ENKUR: variants seen among roughly 807,000 people sequenced by gnomAD.
ENKUR encodes the protein enkurin.
A neutral mutation model predicts 27.6 loss-of-function variants in ENKUR; 19 were observed. The ratio of observed to expected loss-of-function variants is 0.69; its 90% CI spans 0.48 to 1.01. The LOEUF (loss-of-function observed/expected upper bound fraction) is 1.01, where lower values mean the gene tolerates loss of function less well. Ranked by LOEUF, ENKUR falls within the 50% of genes least tolerant of loss-of-function variation. The pLI, the probability that ENKUR is intolerant of heterozygous loss-of-function variation, is 0.00. For synonymous variants in ENKUR, 117 were observed against 96.9 expected (o/e 1.21, Z -1.22); for missense variants, 312 against 310.5 (o/e 1.00, Z -0.04).
At chr10:25,044,077 A>G (rs929162379) in intron 2 of ENKUR, among the ~76,000 whole-genome samples, 3 of 151,968 alleles carry the variant, frequency 2.0e-5, no homozygotes, top group African/African-American at 4.8e-5. Flanking sequence ...GTTTCTATTG[A>G]TTGATTATTC....
chr10:24,994,396 C>T (rs1326788246), intron 3 of ENKUR, among the ~76,000 whole-genome samples: 5 of 150,540 alleles, frequency 3.3e-5, no homozygotes, highest in South Asian at 4.2e-4. Flanking sequence ...TGCAGTGACG[C>T]GACCTTGGCT....
intron 2 of ENKUR, among the ~76,000 whole-genome samples, chr10:25,046,788 A>G (rs1388633049): frequency 6.6e-6 from 1 of 152,136 alleles, no homozygotes; most frequent in African/African-American, 2.4e-5. Context: ...ACTTTTTTTC[A>G]CCAACCTCTG....
At chr10:24,997,184 C>T (rs763503597) in intron 2 of ENKUR, among the ~76,000 whole-genome samples, 1 of 151,846 alleles carries the variant, frequency 6.6e-6, no homozygotes, top group South Asian at 2.1e-4. Context: ...TGTGAATAGC[C>T]ACCACACACT....
At chr10:25,008,606 A>G (rs1349727453) in intron 1 of ENKUR, among the ~76,000 whole-genome samples, 2 of 152,256 alleles carry the variant, frequency 1.3e-5, no homozygotes, top group East Asian at 3.8e-4. Flanking sequence ...AATGAAAAAC[A>G]GAACCACATT....
intron 1 of ENKUR, among the ~76,000 whole-genome samples, chr10:25,015,018 T>C (rs959418618): frequency 1.7e-4 from 26 of 152,230 alleles, no homozygotes; most frequent in African/African-American, 6.0e-4. Flanking sequence ...GTCCAGTCCT[T>C]TTCAAATGTG....
At chr10:25,051,646 G>A (rs201570637) in intron 2 of ENKUR, among the ~76,000 whole-genome samples, 1 of 152,350 alleles carries the variant, frequency 6.6e-6, no homozygotes, top group Admixed American at 6.5e-5. Context: ...CCATTTATGA[G>A]CAATCCACCC....
At chr10:24,985,294 G>T (rs1010696142) in intron 4 of ENKUR, among the ~76,000 whole-genome samples, 5 of 152,150 alleles carry the variant, frequency 3.3e-5, no homozygotes, top group African/African-American at 4.8e-5. Flanking sequence ...AAATTGTTTT[G>T]TAAAATTTTA....
chr10:24,992,873 C>A (rs570340992), intron 3 of ENKUR, among the ~76,000 whole-genome samples: 1 of 152,176 alleles, frequency 6.6e-6, no homozygotes, highest in Non-Finnish European at 1.5e-5. Flanking sequence ...GTGAGTGAGA[C>A]AGGCCAATCC....
At chr10:25,005,509 C>T (rs191829757) in intron 1 of ENKUR, among the ~76,000 whole-genome samples, 2 of 152,200 alleles carry the variant, frequency 1.3e-5, no homozygotes, top group Non-Finnish European at 2.9e-5. Flanking sequence ...GGATTAACAA[C>T]TTTTCTTTTT....
chr10:24,984,516 A>G, intron 5 of ENKUR, 140 bp from the exon 6 acceptor site: 2 of 1,205,734 alleles, frequency 1.7e-6, no homozygotes, highest in Non-Finnish European at 2.3e-6. Flanking sequence ...CTCAAATTTA[A>G]TAGTTTATAT....
intron 2 of ENKUR, chr10:25,026,364 A>G (rs572714600): frequency 3.3e-4 from 55 of 167,016 alleles, no homozygotes; most frequent in South Asian, 1.0e-3. Context: ...AGAACTACTT[A>G]GAAGTGAATA....
chr10:25,042,176 A>C (rs889426772), intron 2 of ENKUR, among the ~76,000 whole-genome samples: 3 of 152,070 alleles, frequency 2.0e-5, no homozygotes, highest in Non-Finnish European at 2.9e-5. Context: ...TTTCTGAAAA[A>C]AATTATTTTA....
intron 1 of ENKUR, among the ~76,000 whole-genome samples, chr10:25,012,526 C>G (rs968866739): frequency 6.6e-6 from 1 of 152,222 alleles, no homozygotes; most frequent in Non-Finnish European, 1.5e-5. Context: ...ATCAGCGTGA[C>G]CTGGATGTGA....
chr10:24,999,665 C>T, intron 1 of ENKUR, 119 bp from the exon 2 acceptor site: 1 of 935,534 alleles, frequency 1.1e-6, no homozygotes, highest in Non-Finnish European at 1.6e-6. Flanking sequence ...TATGGAAAAG[C>T]ATAATCATAA....
intron 2 of ENKUR, among the ~76,000 whole-genome samples, chr10:25,022,941 G>C (rs1223058200): frequency 1.3e-5 from 2 of 152,084 alleles, no homozygotes. Context: ...TTTTGTCAAA[G>C]TTTTGATTTT....
chr10:24,992,700 T>C (rs1304539496), intron 3 of ENKUR, among the ~76,000 whole-genome samples: 3 of 152,218 alleles, frequency 2.0e-5, no homozygotes, highest in African/African-American at 4.8e-5. Context: ...AACACTTTGT[T>C]GCTTTAAGTT....
upstream of ENKUR, chr10:25,062,299 C>T (rs961758652): frequency 2.6e-5 from 4 of 152,212 alleles, no homozygotes; most frequent in Non-Finnish European, 5.9e-5. Flanking sequence ...GTTAAACATG[C>T]CTGCTTTTCA....
intron 1 of ENKUR, among the ~76,000 whole-genome samples, chr10:25,012,474 CAGGGACAGAGCTGCCCAAG>C (rs1850469737): frequency 1.3e-5 from 2 of 152,220 alleles, no homozygotes; most frequent in South Asian, 4.1e-4. Context: ...TGCCAGGTCA[CAGGGACAGAGCTGCCCAAG>C]ACCATAGGAT....
intron 1 of ENKUR, among the ~76,000 whole-genome samples, chr10:25,003,941 T>G (rs1850253288): frequency 1.3e-5 from 2 of 152,246 alleles, no homozygotes; most frequent in African/African-American, 4.8e-5. Flanking sequence ...GGTTTCATGT[T>G]CCTGTGTTAG....
Sources: gnomAD v4.1 joint callset for allele counts (sites outside exome capture counted in the v4.1 genomes callset) on GRCh38, gnomAD v4.1.1 for gene constraint, MANE v1.5 for transcripts, NCBI Gene and HGNC (gene_info 2026-07-23, HGNC 2026-07-21) for gene names.